Variants in NPRL3 observed in about 807,000 individuals in gnomAD.
The protein encoded by NPRL3 is GATOR1 complex protein NPRL3.
Under a neutral mutation model 57.2 loss-of-function variants are expected in NPRL3, and 23 were observed. That is an observed-to-expected ratio of 0.40 (90% CI 0.29 to 0.57). The LOEUF (loss-of-function observed/expected upper bound fraction) is 0.57, where lower values mean the gene tolerates loss of function less well. Ranked by LOEUF, NPRL3 falls within the 20% of genes least tolerant of loss-of-function variation. The probability of loss-of-function intolerance (pLI) is 0.42; values close to 1 mark genes in which losing one functional copy is unlikely to be tolerated. For synonymous variants in NPRL3, 333 were observed against 321.1 expected (o/e 1.04, Z -0.39); for missense variants, 691 against 767.1 (o/e 0.90, Z 1.17).
chr16:87,479 C>T (rs534229011), intron 13 of NPRL3, among the ~76,000 whole-genome samples: 1 of 151,832 alleles, frequency 6.6e-6, no homozygotes, highest in African/African-American at 2.4e-5. Flanking sequence ...TCAGGTGATC[C>T]ACCCACCTCA....
At chr16:122,067 G>A (rs1338213751) in intron 3 of NPRL3, among the ~76,000 whole-genome samples, 2 of 138,744 alleles carry the variant, frequency 1.4e-5, no homozygotes, top group South Asian at 2.4e-4. Context: ...GAGCCACCAC[G>A]CCCGGCCCCA....
chr16:89,478 GC>G, intron 12 of NPRL3: 1 of 499,644 alleles, frequency 2.0e-6, no homozygotes, highest in Middle Eastern at 5.1e-4. Flanking sequence ...GCTGGGAGCT[GC>G]CCCTAATTCT....
rs1337033471 is a variant in NPRL3 at position 100,448 on chromosome 16, G to A, written c.691C>T (p.Leu231=). The change falls in exon 8 of 14, where the codon CTG becomes TTG. Residue 231 remains leucine (L), a synonymous_variant. Coordinates refer to ENST00000611875, the MANE Select transcript of NPRL3 (RefSeq NM_001077350.3). ...GCCGCATAGTGGATCTTGTGGGGCA[G>A]GCAGAAGCTCACCTCCAGCCAGCTG... The part of the protein sequence containing the change: ...INSWLEVSFC[L]PHKIHYAASS... The A allele has an allele frequency of 6.2e-7, 1 of 1,606,272 alleles. No homozygotes were observed. The highest frequency in any genetic ancestry group is 1.3e-5 in the African/African-American group (1 of 74,356).
chr16:110,139 CAT>C (rs1899732004), intron 7 of NPRL3, among the ~76,000 whole-genome samples: 2 of 152,248 alleles, frequency 1.3e-5, no homozygotes, highest in South Asian at 4.1e-4. Context: ...TGTGGTGGCG[CAT>C]GCCTGTAATC....
At position 138,165 on chromosome 16, in the gene NPRL3, G is replaced by C. The variant is rs1163115652; in HGVS notation, c.103C>G (p.Pro35Ala). 3.7e-6 allele frequency: 6 copies of C among 1,604,916 alleles called. No homozygotes were observed. Among genetic ancestry groups the C allele is most frequent in the African/African-American group, 1.3e-5 (1 of 74,584 alleles). Reference sequence around the variant, plus strand: ...GCTCACTTACTTGTCTGGGACGCCGGGTGCTCCTGGCTTCTCTGGAAGGGG... The same window carrying C: ...GCTCACTTACTTGTCTGGGACGCCGCGTGCTCCTGGCTTCTCTGGAAGGGG... ...RYPFQRSQEH[P>A]ASQTSKPRSR... The change falls in exon 2 of 14, where the codon CCG (proline) becomes GCG (alanine). Residue 35 changes from proline to alanine, a missense_variant. By Grantham distance (27) the Pro-to-Ala change is conservative. Coordinates refer to ENST00000611875, the MANE Select transcript of NPRL3 (RefSeq NM_001077350.3).
intron 9 of NPRL3, among the ~76,000 whole-genome samples, chr16:94,820 C>T (rs1898919339): frequency 6.6e-6 from 1 of 152,130 alleles, no homozygotes; most frequent in Admixed American, 6.6e-5. Flanking sequence ...CAAAAAGACA[C>T]CCCCACTTTC....
intron 11 of NPRL3, 133 bp downstream of exon 11, chr16:92,463 C>G (rs919014957): frequency 1.7e-6 from 2 of 1,176,486 alleles, no homozygotes; most frequent in South Asian, 2.9e-5. Flanking sequence ...AGCACTTGCA[C>G]GGCAAGCCCC....
At position 86,487 on chromosome 16, in the gene NPRL3, A is replaced by C; in HGVS notation, c.*218T>G. 1 of 552,182 alleles carries C rather than the reference A, an allele frequency of 1.8e-6. No individual in the cohort carries two copies. Among genetic ancestry groups the C allele is most frequent in the Non-Finnish European group, 3.2e-6 (1 of 308,342 alleles). 34.2% of individuals were successfully genotyped at this position (552,182 alleles called of 1,614,324 possible). ...ACGCGTGCGGCAAGGACTGGAGGGA[A>C]GCGTAGGAACACAGAGGGCAGCAGC... On this transcript the variant is annotated 3_prime_UTR_variant, in exon 14 of 14. Transcript: ENST00000611875.
In NPRL3 at chr16:119,164, C is replaced by A. The variant is rs1184200053; in HGVS notation, c.280G>T (p.Val94Phe). The A allele has an allele frequency of 1.2e-6, 2 of 1,613,380 alleles. No individual in the cohort carries two copies. Among genetic ancestry groups the A allele is most frequent in the East Asian group, 2.2e-5 (1 of 44,892 alleles). ...FELKIDNVRF[V>F]GHPTLLQHAL... is the part of the protein sequence containing the mutation. ...TGCTGTAGCAGTGTTGGGTGCCCAA[C>A]AAATCGCACATTATCAATCTTCAGT... Residue 94 changes from valine (V) to phenylalanine (F), a missense_variant, in exon 4 of 14, where the codon GTT becomes TTT. By Grantham distance (50) the Val-to-Phe change is conservative. Coordinates refer to ENST00000611875, the MANE Select transcript of NPRL3 (RefSeq NM_001077350.3).
intron 9 of NPRL3, among the ~76,000 whole-genome samples, chr16:97,801 C>T (rs1257736362): frequency 2.6e-5 from 4 of 152,136 alleles, no homozygotes; most frequent in Non-Finnish European, 1.5e-5. Flanking sequence ...ACTGTGAGAC[C>T]CCCATGGCCC....
At chr16:89,933 C>T (rs1192331296) in intron 11 of NPRL3, 31 bp from the exon 12 acceptor site, 6 of 1,528,502 alleles carry the variant, frequency 3.9e-6, no homozygotes, top group Non-Finnish European at 5.3e-6. Context: ...GGCTGGTCCC[C>T]CTCCCCACTC....
At chr16:95,622 G>A (rs1003848875) in intron 9 of NPRL3, among the ~76,000 whole-genome samples, 4 of 151,970 alleles carry the variant, frequency 2.6e-5, no homozygotes, top group Admixed American at 6.6e-5. Flanking sequence ...TGCCCAGACT[G>A]CAGTGTGTAA....
chr16:122,973 T>C (rs941499524), intron 3 of NPRL3, among the ~76,000 whole-genome samples: 1 of 152,226 alleles, frequency 6.6e-6, no homozygotes, highest in Non-Finnish European at 1.5e-5. Flanking sequence ...CGTGCCCTCC[T>C]GGACAAGCAC....
At chr16:110,813 C>G (rs1157370719) in intron 6 of NPRL3, among the ~76,000 whole-genome samples, 1 of 152,072 alleles carries the variant, frequency 6.6e-6, no homozygotes, top group Non-Finnish European at 1.5e-5. Flanking sequence ...GCCTCCCAAA[C>G]TGCTGGGATT....
chr16:135,833 C>T (rs562278942), intron 2 of NPRL3, among the ~76,000 whole-genome samples: 4 of 152,002 alleles, frequency 2.6e-5, no homozygotes, highest in East Asian at 1.9e-4. Flanking sequence ...CCTATTTTTA[C>T]ATTAAATATA....
intron 3 of NPRL3, among the ~76,000 whole-genome samples, chr16:124,050 C>G (rs535672434): frequency 6.6e-6 from 1 of 150,522 alleles, no homozygotes; most frequent in South Asian, 2.1e-4. Context: ...CACACACTCC[C>G]CACGCTGAGA....
intron 3 of NPRL3, among the ~76,000 whole-genome samples, chr16:119,694 G>A (rs170026): frequency 2.6e-5 from 4 of 152,194 alleles, no homozygotes; most frequent in East Asian, 1.9e-4. Context: ...CCCACAGAGC[G>A]GCCCTTCACC....
At chr16:109,188 T>C (rs549182805) in intron 7 of NPRL3, among the ~76,000 whole-genome samples, 18 of 151,794 alleles carry the variant, frequency 1.2e-4, no homozygotes, top group African/African-American at 3.4e-4. Flanking sequence ...AGGCTGATCT[T>C]GCACTTCTGA....
chr16:114,464 G>C (rs1031525533), intron 5 of NPRL3, among the ~76,000 whole-genome samples: 54 of 152,322 alleles, frequency 3.5e-4, no homozygotes, highest in African/African-American at 1.1e-3. Flanking sequence ...TACCCAAATA[G>C]AACCAAGCCT....
Sources: allele counts gnomAD v4.1 joint callset (sites outside exome capture counted in the v4.1 genomes callset), GRCh38; gene constraint gnomAD v4.1.1; transcripts MANE v1.5; gene names NCBI Gene and HGNC (gene_info 2026-07-23, HGNC 2026-07-21).